Variants in SGCZ observed in about 807,000 individuals in gnomAD.
SGCZ encodes the protein zeta-sarcoglycan.
Under a neutral mutation model 41.3 loss-of-function variants are expected in SGCZ, and 40 were observed. The ratio of observed to expected loss-of-function variants is 0.97; its 90% CI spans 0.75 to 1.26. The LOEUF (loss-of-function observed/expected upper bound fraction) is 1.26. SGCZ is among the 50% of genes most tolerant of loss of function. The probability of loss-of-function intolerance (pLI) is 0.00; values close to 1 mark genes in which losing one functional copy is unlikely to be tolerated. For synonymous variants in SGCZ, 206 were observed against 137.5 expected (o/e 1.50, Z -3.49); for missense variants, 552 against 369.8 (o/e 1.49, Z -4.04).
chr8:15,182,002 G>A (rs1800194034), intron 1 of SGCZ, among the ~76,000 whole-genome samples: 1 of 152,018 alleles, frequency 6.6e-6, no homozygotes, highest in African/African-American at 2.4e-5. Flanking sequence ...GCCATAGAAT[G>A]GTGCACTCAT....
intron 2 of SGCZ, among the ~76,000 whole-genome samples, chr8:14,345,419 G>C (rs79823377): frequency 6.6e-6 from 1 of 152,068 alleles, no homozygotes; most frequent in Non-Finnish European, 1.5e-5. Flanking sequence ...CAAGTCCTCA[G>C]AATACACCCA....
chr8:14,707,993 G>C (rs750549244), intron 1 of SGCZ, among the ~76,000 whole-genome samples: 1 of 151,970 alleles, frequency 6.6e-6, no homozygotes, highest in Non-Finnish European at 1.5e-5. Flanking sequence ...GGACAAAAGA[G>C]AGATCAGGAA....
chr8:14,624,746 T>G (rs1369003841), intron 1 of SGCZ, among the ~76,000 whole-genome samples: 3 of 151,416 alleles, frequency 2.0e-5, no homozygotes, highest in Non-Finnish European at 4.4e-5. Flanking sequence ...AATTTTTGTA[T>G]TTTTAGTAGA....
chr8:14,737,912 C>T (rs886149392), intron 1 of SGCZ, among the ~76,000 whole-genome samples: 1 of 151,992 alleles, frequency 6.6e-6, no homozygotes, highest in Non-Finnish European at 1.5e-5. Flanking sequence ...AGTTTAGATA[C>T]ATTATTTTAT....
chr8:14,401,103 G>A (rs973126541), intron 2 of SGCZ, among the ~76,000 whole-genome samples: 1 of 152,090 alleles, frequency 6.6e-6, no homozygotes, highest in South Asian at 2.1e-4. Context: ...CACTGTGCAA[G>A]ATACAGCTCC....
intron 1 of SGCZ, among the ~76,000 whole-genome samples, chr8:14,848,189 C>T (rs1803199756): frequency 6.6e-6 from 1 of 151,910 alleles, no homozygotes; most frequent in Non-Finnish European, 1.5e-5. Context: ...AACTATAAAA[C>T]ATTGTTTAGA....
intron 2 of SGCZ, among the ~76,000 whole-genome samples, chr8:14,420,259 T>A (rs560416854): frequency 3.9e-5 from 6 of 151,992 alleles, no homozygotes; most frequent in African/African-American, 1.4e-4. Flanking sequence ...AGAAGACTAA[T>A]AGAAACAAAA....
At chr8:14,864,380 A>G (rs1259261646) in intron 1 of SGCZ, among the ~76,000 whole-genome samples, 1 of 152,174 alleles carries the variant, frequency 6.6e-6, no homozygotes, top group Non-Finnish European at 1.5e-5. Flanking sequence ...TTTCTTTTCC[A>G]TAACCTAGAC....
intron 4 of SGCZ, among the ~76,000 whole-genome samples, chr8:14,181,525 T>C (rs1410604317): frequency 3.9e-5 from 6 of 152,212 alleles, no homozygotes. Context: ...ATGGTTTGGC[T>C]GTGTCCCCAC....
chr8:15,060,219 C>T lies in SGCZ; in HGVS notation c.39+177366G>A, dbSNP rs1386204365. 2.0e-5 allele frequency among the ~76,000 whole-genome samples: 3 copies of T among 152,208 alleles called. No individual in the cohort carries two copies. The East Asian group carries it at 5.8e-4, about 29-fold the overall frequency. ...ACACTGCTATAAAGACACATGCACACATATGTTTATTGCAGCACTACTCAC... is the reference window on the plus strand; with the variant it reads ...ACACTGCTATAAAGACACATGCACATATATGTTTATTGCAGCACTACTCAC... On this transcript the variant is annotated intron_variant, in intron 1 of 7. Transcript: ENST00000382080.
At chr8:14,342,595 G>A (rs1313819969) in intron 2 of SGCZ, among the ~76,000 whole-genome samples, 6 of 152,128 alleles carry the variant, frequency 3.9e-5, no homozygotes, top group South Asian at 2.1e-4. Flanking sequence ...GATTACAGGC[G>A]TGAGCCACCG....
intron 1 of SGCZ, among the ~76,000 whole-genome samples, chr8:14,745,589 CATAAT>C (rs372094789): frequency 1.9e-3 from 282 of 152,054 alleles, no homozygotes; most frequent in Non-Finnish European, 3.1e-3. Context: ...TACACACATA[CATAAT>C]ATATGTAGAC....
chr8:15,002,042 C>A (rs1802444920), intron 1 of SGCZ, among the ~76,000 whole-genome samples: 1 of 152,062 alleles, frequency 6.6e-6, no homozygotes, highest in African/African-American at 2.4e-5. Flanking sequence ...TAAGTGTTAT[C>A]CTTCTCAAAA....
chr8:14,478,955 G>C (rs1006127354), intron 2 of SGCZ, among the ~76,000 whole-genome samples: 1 of 152,136 alleles, frequency 6.6e-6, no homozygotes, highest in Non-Finnish European at 1.5e-5. Context: ...TTTTCATACG[G>C]ATAAACTGTC....
chr8:14,894,106 A>C (rs1382206937), intron 1 of SGCZ, among the ~76,000 whole-genome samples: 1 of 152,168 alleles, frequency 6.6e-6, no homozygotes, highest in East Asian at 1.9e-4. Context: ...ATCAAGCTTT[A>C]ATTAATGACA....
chr8:15,047,497 T>G (rs146025201), intron 1 of SGCZ, among the ~76,000 whole-genome samples: 2,763 of 152,122 alleles, frequency 0.018, 38 homozygotes, highest in Middle Eastern at 0.024. Flanking sequence ...AAAATGTTAG[T>G]TATGAATTCA....
intron 5 of SGCZ, among the ~76,000 whole-genome samples, chr8:14,140,311 T>C (rs1292609923): frequency 2.0e-5 from 3 of 152,148 alleles, no homozygotes; most frequent in African/African-American, 7.2e-5. Context: ...TGTTGAAAGT[T>C]CTGGCCAGGG....
At chr8:14,844,208 CTG>C (rs1165766599) in intron 1 of SGCZ, among the ~76,000 whole-genome samples, 2 of 152,044 alleles carry the variant, frequency 1.3e-5, no homozygotes, top group African/African-American at 4.8e-5. Context: ...TATACTTTAC[CTG>C]TTTCCACTGT....
intron 1 of SGCZ, chr8:14,690,241 G>A (rs1392186504): frequency 3.3e-5 from 5 of 151,564 alleles, no homozygotes; most frequent in East Asian, 1.9e-4. Context: ...GAAATAATTC[G>A]TATATCTTAA....
Sources: allele counts gnomAD v4.1 joint callset (sites outside exome capture counted in the v4.1 genomes callset), GRCh38; gene constraint gnomAD v4.1.1; transcripts MANE v1.5; gene names NCBI Gene and HGNC (gene_info 2026-07-23, HGNC 2026-07-21).